The following PDZD2 variants were observed in gnomAD, a reference collection of about 807,000 sequenced individuals.
PDZD2 encodes the protein PDZ domain-containing protein 2.
A neutral mutation model predicts 220.7 loss-of-function variants in PDZD2; 90 were observed. The observed-to-expected ratio is 0.41, with a 90% CI of 0.34 to 0.49. The LOEUF is 0.49. Among genes scored for constraint, PDZD2 ranks in the 20% least tolerant of loss-of-function variants. PDZD2 has a pLI of 0.28. For synonymous variants in PDZD2, 1,375 were observed against 1,450.5 expected, an observed-to-expected ratio of 0.95 and a Z score of 1.18; for missense variants, 3,174 against 3,608.5, an observed-to-expected ratio of 0.88 and a Z score of 3.08.
intron 2 of PDZD2, among the ~76,000 whole-genome samples, chr5:31,978,599 C>T (rs1242854822): frequency 1.3e-5 from 2 of 151,228 alleles, no homozygotes; most frequent in Non-Finnish European, 2.9e-5. Flanking sequence ...CCTGTAATCC[C>T]AGCTGTTCAG....
At chr5:32,078,529 G>A (rs1049110735) in intron 19 of PDZD2, among the ~76,000 whole-genome samples, 13 of 151,630 alleles carry the variant, frequency 8.6e-5, no homozygotes, top group Non-Finnish European at 1.5e-5. Context: ...CTACTCAGGA[G>A]GCTGAGGCAG....
intron 1 of PDZD2, among the ~76,000 whole-genome samples, chr5:31,789,442 T>A (rs1415452470): frequency 5.3e-5 from 8 of 152,240 alleles, no homozygotes; most frequent in Non-Finnish European, 7.3e-5. Context: ...TACTGAGACA[T>A]ACCCTTCTTT....
chr5:31,870,179 C>T (rs1272508443), intron 2 of PDZD2, among the ~76,000 whole-genome samples: 10 of 151,998 alleles, frequency 6.6e-5, no homozygotes, highest in African/African-American at 1.5e-4. Flanking sequence ...AGTACCATAC[C>T]GTCTGAGTCA....
chr5:31,925,208 C>T (rs1451054709), intron 2 of PDZD2, among the ~76,000 whole-genome samples: 1 of 152,160 alleles, frequency 6.6e-6, no homozygotes, highest in Admixed American at 6.5e-5. Context: ...TACCTGCCTT[C>T]AGACTATACA....
chr5:31,697,348 A>T (rs1049980843), intron 1 of PDZD2, among the ~76,000 whole-genome samples: 1 of 152,204 alleles, frequency 6.6e-6, no homozygotes. Context: ...CTGTAATTCC[A>T]GCTACTCAGA....
chr5:31,985,155 T>G (rs1412758313), intron 3 of PDZD2, among the ~76,000 whole-genome samples: 1 of 151,792 alleles, frequency 6.6e-6, no homozygotes, highest in Non-Finnish European at 1.5e-5. Context: ...CTCTTCCAAA[T>G]TAAGGGCAGT....
intron 2 of PDZD2, among the ~76,000 whole-genome samples, chr5:31,965,011 C>G (rs1015578180): frequency 3.3e-5 from 5 of 152,306 alleles, no homozygotes; most frequent in Admixed American, 3.3e-4. Context: ...CATGAGCCAC[C>G]GCGCCCGGCC....
intron 2 of PDZD2, among the ~76,000 whole-genome samples, chr5:31,975,452 A>G (rs750963612): frequency 2.6e-5 from 4 of 152,218 alleles, no homozygotes; most frequent in Non-Finnish European, 4.4e-5. Flanking sequence ...TATGGGAGCT[A>G]CAATTCAAGA....
chr5:31,966,640 G>A (rs772427003), intron 2 of PDZD2, among the ~76,000 whole-genome samples: 4 of 152,146 alleles, frequency 2.6e-5, no homozygotes, highest in East Asian at 1.9e-4. Flanking sequence ...TGGCTTATCC[G>A]TTTTTCTAGG....
At chr5:31,755,588 A>AT (rs954949729) in intron 1 of PDZD2, among the ~76,000 whole-genome samples, 4 of 146,406 alleles carry the variant, frequency 2.7e-5, no homozygotes, top group South Asian at 4.4e-4. Context: ...AGATCACTTA[A>AT]TTTTTTTTTA....
intron 2 of PDZD2, among the ~76,000 whole-genome samples, chr5:31,874,762 A>AC (rs1324513776): frequency 7.7e-6 from 1 of 129,466 alleles, no homozygotes; most frequent in Non-Finnish European, 1.7e-5. Flanking sequence ...CTCTATCTTA[A>AC]AAAAAAAAAA....
At chr5:31,824,078 A>G (rs760345689) in intron 2 of PDZD2, among the ~76,000 whole-genome samples, 2 of 152,214 alleles carry the variant, frequency 1.3e-5, no homozygotes, top group African/African-American at 2.4e-5. Context: ...TAATCTTCTG[A>G]TTTTAAGAAA....
rs1250552420 is a variant in PDZD2 at position 31,839,230 on chromosome 5, C to T, written c.476+39506C>T. On this transcript the variant is annotated intron_variant, in intron 2 of 24. Transcript: ENST00000438447. Reference sequence around the variant, plus strand: ...CAGGGGGTGCAAAATCTTAATTTATCTTTGTAGTGCTCCTTGAAGAAGACT... The same window carrying T: ...CAGGGGGTGCAAAATCTTAATTTATTTTTGTAGTGCTCCTTGAAGAAGACT... Among the ~76,000 whole-genome samples the T allele has an allele frequency of 2.0e-5, 3 of 152,152 alleles. No homozygotes were observed. In the East Asian group the frequency reaches 5.8e-4, roughly 29 times the overall value.
rs397997277 is a variant in PDZD2, at chr5:31,823,154, CAAAAAAAAAAAAA to C, written c.476+23446_476+23458del. The C allele has an allele frequency of 5.1e-3, 533 of 105,236 alleles. 1 individual carries two copies. The highest frequency in any genetic ancestry group is 0.018 in the African/African-American group (412 of 23,022). 6.5% of individuals were successfully genotyped at this position (105,236 alleles called of 1,614,324 possible). ...GTCTTCATTCTCGCAGTAGACGTGGCAAAAAAAAAAAAAAAAAAAAAAAAAAAAGCAAGCATCT... is the reference window on the plus strand; with the variant it reads ...GTCTTCATTCTCGCAGTAGACGTGGCAAAAAAAAAAAAAAAGCAAGCATCT... On this transcript the variant is annotated intron_variant, in intron 2 of 24. Transcript: ENST00000438447.
At chr5:32,061,883 T>C (rs1291343273) in intron 14 of PDZD2, among the ~76,000 whole-genome samples, 1 of 152,230 alleles carries the variant, frequency 6.6e-6, no homozygotes, top group Non-Finnish European at 1.5e-5. Flanking sequence ...TTAATTTAAA[T>C]TGTTTCTGTG....
chr5:31,834,086 T>G (rs1756795931), intron 2 of PDZD2, among the ~76,000 whole-genome samples: 1 of 152,212 alleles, frequency 6.6e-6, no homozygotes, highest in African/African-American at 2.4e-5. Context: ...GATGATGAAT[T>G]CTGTTTAATA....
At position 32,061,111 on chromosome 5, in the gene PDZD2, A is replaced by G; in HGVS notation, c.2428A>G (p.Ile810Val). The part of the protein sequence containing the change: ...KCPPGPVRLV[I>V]GRHPNPKVSE... ...CCCTCCAGGACCCGTTCGCCTTGTC[A>G]TCGGCCGGCACCCTAATCCAAAGGT... The change falls in exon 14 of 25, where the codon ATC (isoleucine) becomes GTC (valine). Residue 810 changes from isoleucine to valine, a missense_variant. By Grantham distance (29) the Ile-to-Val change is conservative (BLOSUM62 3). Coordinates refer to ENST00000438447, the MANE Select transcript of PDZD2 (RefSeq NM_178140.4). The G allele has an allele frequency of 6.2e-7, 1 of 1,614,184 alleles. No individual in the cohort carries two copies. Among genetic ancestry groups the G allele is most frequent in the South Asian group, 1.1e-5 (1 of 91,084 alleles).
At chr5:31,955,274 C>T (rs1415550390) in intron 2 of PDZD2, among the ~76,000 whole-genome samples, 1 of 151,584 alleles carries the variant, frequency 6.6e-6, no homozygotes, top group African/African-American at 2.4e-5. Context: ...GTTGGTTGGC[C>T]TCCATCTTTG....
chr5:31,908,603 C>T, intron 2 of PDZD2: 6 of 996,288 alleles, frequency 6.0e-6, no homozygotes, highest in South Asian at 1.3e-5. Context: ...ACTAGCTTCA[C>T]CAGAGAAGCC....
Sources: gnomAD v4.1 joint callset for allele counts (sites outside exome capture counted in the v4.1 genomes callset) on GRCh38, gnomAD v4.1.1 for gene constraint, MANE v1.5 for transcripts, NCBI Gene and HGNC (gene_info 2026-07-23, HGNC 2026-07-21) for gene names.